EFR3A: variants seen among roughly 807,000 people sequenced by gnomAD.
The protein encoded by EFR3A is EFR3 homolog A.
EFR3A carries 76 observed loss-of-function variants against 104.4 expected under a neutral mutation model. The ratio of observed to expected loss-of-function variants is 0.73; its 90% CI spans 0.60 to 0.88. The LOEUF (loss-of-function observed/expected upper bound fraction) is 0.88. EFR3A is among the 40% of genes least tolerant of loss of function. EFR3A has a pLI of 0.00. For missense variants in EFR3A, 985 were observed against 1,012.5 expected, an observed-to-expected ratio of 0.97 and a Z score of 0.37; for synonymous variants, 330 against 330.0, an observed-to-expected ratio of 1.00 and a Z score of 0.00.
rs143707300 is a variant in EFR3A, at chr8:131,925,960, TA to T, written c.11-14538del. On this transcript the variant is annotated intron_variant, in intron 1 of 22. Coordinates refer to ENST00000254624, the MANE Select transcript of EFR3A (RefSeq NM_015137.6). ...CTAGATTATTTTATTTTAATGTTAT[TA>T]TTTTTTTTTGAGTTTTAAAATAAAT... 1.2e-3 allele frequency among the ~76,000 whole-genome samples: 180 copies of T among 152,236 alleles called. 1 individual carries two copies. Among genetic ancestry groups the T allele is most frequent in the African/African-American group, 4.3e-3 (178 of 41,544 alleles).
chr8:131,965,305 G>A (rs989101754), intron 8 of EFR3A, among the ~76,000 whole-genome samples: 3 of 152,152 alleles, frequency 2.0e-5, no homozygotes, highest in Admixed American at 6.5e-5. Context: ...GAAAATTTTT[G>A]CAATCTACTC....
At chr8:131,936,475 C>A (rs906593136) in intron 1 of EFR3A, among the ~76,000 whole-genome samples, 1 of 151,914 alleles carries the variant, frequency 6.6e-6, no homozygotes, top group Non-Finnish European at 1.5e-5. Flanking sequence ...AGGACTGCCT[C>A]CCTCCGCCCC....
Position 131,955,781 on chromosome 8 carries a change from C to G in EFR3A, c.652C>G (p.Pro218Ala), listed in dbSNP as rs1222328333. The G allele has an allele frequency of 6.2e-7, 1 of 1,612,794 alleles. No homozygotes were observed. The highest frequency in any genetic ancestry group is 1.7e-5 in the Admixed American group (1 of 59,912). ...GTTCCTTTTTAGTCGCATAGGCCCTCCTTCTTCTCCTTCTGCAACTGACAA... is the reference window on the plus strand; with the variant it reads ...GTTCCTTTTTAGTCGCATAGGCCCTGCTTCTTCTCCTTCTGCAACTGACAA... ...IEEVDSRIGP[P>A]SSPSATDKEE... Residue 218 changes from proline to alanine, a missense_variant, in exon 7 of 23, where the codon CCT becomes GCT. Coordinates refer to ENST00000254624, the MANE Select transcript of EFR3A (RefSeq NM_015137.6).
At chr8:131,916,433 A>G (rs367687201) in intron 1 of EFR3A, among the ~76,000 whole-genome samples, 1 of 152,192 alleles carries the variant, frequency 6.6e-6, no homozygotes, top group Non-Finnish European at 1.5e-5. Flanking sequence ...CTGGTTTGCT[A>G]TAGGGACTTT....
intron 7 of EFR3A, 105 bp downstream of exon 7, chr8:131,956,010 T>C (rs763860280): frequency 6.9e-5 from 89 of 1,294,264 alleles, no homozygotes; most frequent in Non-Finnish European, 8.8e-5. Context: ...GAGTGAGTTA[T>C]TAATGGAACC....
intron 7 of EFR3A, among the ~76,000 whole-genome samples, chr8:131,958,624 C>G (rs1158393696): frequency 6.6e-6 from 1 of 151,306 alleles, no homozygotes; most frequent in Non-Finnish European, 1.5e-5. Context: ...TTTTAATGAC[C>G]CAAAAAGTAA....
At position 132,002,625 on chromosome 8, in the gene EFR3A, G is replaced by A. The variant is rs776844656; in HGVS notation, c.2229G>A (p.Gln743=). The part of the protein sequence containing the change: ...KAIDTSGMEE[Q]EKEKRRLVIE... The stretch of plus-strand genomic sequence containing the variant: ...TAGATACCAGTGGAATGGAAGAACA[G>A]GAAAAGGAAAAGAGGCGTCTTGTGA... The change falls in exon 21 of 23, where the codon CAG becomes CAA. Residue 743 remains glutamine, a synonymous_variant. Transcript: ENST00000254624. 8.7e-6 allele frequency: 14 copies of A among 1,613,592 alleles called. No individual in the cohort carries two copies. The highest frequency in any genetic ancestry group is 1.1e-5 in the Non-Finnish European group (13 of 1,179,632).
At chr8:131,906,802 C>T (rs1057018758) in intron 1 of EFR3A, among the ~76,000 whole-genome samples, 3 of 152,198 alleles carry the variant, frequency 2.0e-5, no homozygotes, top group Non-Finnish European at 4.4e-5. Context: ...GATTTCAAGA[C>T]TATGCTGCTG....
intron 1 of EFR3A, among the ~76,000 whole-genome samples, chr8:131,923,167 C>A (rs1208071886): frequency 6.6e-6 from 1 of 152,052 alleles, no homozygotes; most frequent in African/African-American, 2.4e-5. Flanking sequence ...CCAAGACCGG[C>A]CTGTCAATGA....
At chr8:131,940,988 T>TAA (rs534837945) in intron 2 of EFR3A, among the ~76,000 whole-genome samples, 2 of 149,232 alleles carry the variant, frequency 1.3e-5, no homozygotes, top group African/African-American at 4.9e-5. Context: ...CAGTTTCTTG[T>TAA]AAAAAAAAAA....
chr8:131,984,838 C>T (rs1820796112), intron 15 of EFR3A, 91 bp from the exon 16 acceptor site: 2 of 1,211,120 alleles, frequency 1.7e-6, no homozygotes, highest in South Asian at 2.2e-5. Flanking sequence ...GTTAGCTTTC[C>T]AAACTACCTG....
rs552889673 is a variant in EFR3A at position 131,971,489 on chromosome 8, C to T, written c.1159+846C>T. 2.0e-3 allele frequency among the ~76,000 whole-genome samples: 307 copies of T among 152,136 alleles called. 1 individual carries two copies. The highest frequency in any genetic ancestry group is 2.9e-3 in the Non-Finnish European group (198 of 67,994). The stretch of plus-strand genomic sequence containing the variant: ...GGATCACGAGGTCAGGAGATCAAGA[C>T]CATCCTAGCTAACACGGTGAAACCC... On this transcript the variant is annotated intron_variant, in intron 10 of 22. Coordinates refer to ENST00000254624, the MANE Select transcript of EFR3A (RefSeq NM_015137.6).
chr8:131,930,399 A>C (rs941864200), intron 1 of EFR3A, among the ~76,000 whole-genome samples: 13 of 149,316 alleles, frequency 8.7e-5, no homozygotes, highest in African/African-American at 2.7e-4. Flanking sequence ...TAGCCATTGC[A>C]TGTAAAATAA....
At chr8:131,944,129 A>G (rs1026162884) in intron 2 of EFR3A, among the ~76,000 whole-genome samples, 1 of 152,218 alleles carries the variant, frequency 6.6e-6, no homozygotes, top group Middle Eastern at 3.4e-3. Context: ...ATATATGGCC[A>G]AGAAACTTAC....
At chr8:131,992,957 A>G (rs1276654828) in intron 18 of EFR3A, among the ~76,000 whole-genome samples, 1 of 152,158 alleles carries the variant, frequency 6.6e-6, no homozygotes, top group Non-Finnish European at 1.5e-5. Flanking sequence ...AATTGTAGAA[A>G]GGTCTGTCAA....
Position 131,904,187 on chromosome 8 carries a change from C to CTTCGCCA in EFR3A, c.-120_-119insATTCGCC. The CTTCGCCA allele has an allele frequency of 9.1e-7, 1 of 1,095,232 alleles. No individual in the cohort carries two copies. The highest frequency in any genetic ancestry group is 1.2e-6 in the Non-Finnish European group (1 of 859,886). 67.8% of individuals were successfully genotyped at this position (1,095,232 alleles called of 1,614,324 possible). On this transcript the variant is annotated 5_prime_UTR_variant, in exon 1 of 23. Transcript: ENST00000254624. ...GGGGTCCGCGTCCGCTCCCTCCACC[C>CTTCGCCA]TTCGCCCTTCGCCCTTCGCCTCGTT... is the stretch of plus-strand genomic sequence containing the variant.
chr8:132,007,353 A>G lies in EFR3A; in HGVS notation c.2361-3437A>G, dbSNP rs537394100. Among the ~76,000 whole-genome samples, 280 of 152,076 alleles carry G rather than the reference A, an allele frequency of 1.8e-3. 2 individuals carry two copies. Among genetic ancestry groups the G allele is most frequent in the African/African-American group, 6.5e-3 (272 of 41,562 alleles). On this transcript the variant is annotated intron_variant, in intron 22 of 22. Transcript: ENST00000254624. ...TCAAAATTCAGTTGTATATCTATATATTAACAACAAACAATTGCAAGAGTA... is the reference window on the plus strand; with the variant it reads ...TCAAAATTCAGTTGTATATCTATATGTTAACAACAAACAATTGCAAGAGTA...
Position 132,011,872 on chromosome 8 carries a change from T to G in EFR3A, c.*977T>G, listed in dbSNP as rs1223589844. The G allele has an allele frequency of 1.3e-5, 2 of 152,198 alleles. No individual in the cohort carries two copies. The highest frequency in any genetic ancestry group is 1.3e-4 in the Admixed American group (2 of 15,274). The allele number at this position is 152,198 out of a possible 1,614,324, so 9.4% of individuals were successfully genotyped here. On this transcript the variant is annotated 3_prime_UTR_variant, in exon 23 of 23. Coordinates refer to ENST00000254624, the MANE Select transcript of EFR3A (RefSeq NM_015137.6). Reference sequence around the variant, plus strand: ...AGATGGACTTTTAATTTGTAAGATTTGAACTGTGACTTGTATACATCTGTT... The same window carrying G: ...AGATGGACTTTTAATTTGTAAGATTGGAACTGTGACTTGTATACATCTGTT...
intron 18 of EFR3A, 67 bp downstream of exon 18, chr8:131,987,769 C>A: frequency 6.8e-7 from 1 of 1,476,702 alleles, no homozygotes. Flanking sequence ...TTTTCATTAC[C>A]CAGTTAACAA....
Sources: gnomAD v4.1 joint callset for allele counts (sites outside exome capture counted in the v4.1 genomes callset) on GRCh38, gnomAD v4.1.1 for gene constraint, MANE v1.5 for transcripts, NCBI Gene and HGNC (gene_info 2026-07-23, HGNC 2026-07-21) for gene names.